The following GDPD1 variants were observed in gnomAD, a reference collection of about 807,000 sequenced individuals.
GDPD1 encodes the protein glycerophosphodiester phosphodiesterase domain containing 1, also known as lysophospholipase D GDPD1.
A neutral mutation model predicts 45.1 loss-of-function variants in GDPD1; 28 were observed. The observed-to-expected ratio is 0.62, with a 90% CI of 0.46 to 0.85. The LOEUF (loss-of-function observed/expected upper bound fraction) is 0.85, where lower values mean the gene tolerates loss of function less well. Ranked by LOEUF, GDPD1 falls within the 40% of genes least tolerant of loss-of-function variation. GDPD1 has a pLI of 0.00. For missense variants in GDPD1, 256 were observed against 364.8 expected (o/e 0.70, Z 2.43); for synonymous variants, 139 against 131.4 (o/e 1.06, Z -0.40).
chr17:59,268,860 G>A (rs2047421763), intron 7 of GDPD1, among the ~76,000 whole-genome samples: 2 of 152,082 alleles, frequency 1.3e-5, no homozygotes, highest in South Asian at 4.1e-4. Flanking sequence ...TGGCCAACAT[G>A]GTGAAACCCC....
At chr17:59,266,997 G>T in intron 6 of GDPD1, 44 bp from the exon 7 acceptor site, 1 of 1,480,748 alleles carries the variant, frequency 6.8e-7, no homozygotes, top group South Asian at 1.2e-5. Flanking sequence ...CTCTTTATTT[G>T]AGCAGTTGTA....
chr17:59,230,321 T>C (rs2047078900), intron 1 of GDPD1, among the ~76,000 whole-genome samples: 1 of 149,764 alleles, frequency 6.7e-6, no homozygotes, highest in Non-Finnish European at 1.5e-5. Flanking sequence ...TCTCAAGCGA[T>C]GAAGTTAAAA....
rs1443897055 is a variant in GDPD1 at position 59,231,350 on chromosome 17, G to A, written c.143-3142G>A. ...TTTTTTTTTTTTTTTTTTTTGAGAC[G>A]GAGTCTTGCTCTGTCGCCCAGGCTG... On this transcript the variant is annotated intron_variant, in intron 1 of 9. Coordinates refer to ENST00000284116, the MANE Select transcript of GDPD1 (RefSeq NM_182569.4). 5.8e-5 allele frequency among the ~76,000 whole-genome samples: 7 copies of A among 121,660 alleles called. No homozygotes were observed. The Admixed American group carries it at 6.7e-4, about 12-fold the overall frequency. 79.8% of individuals were successfully genotyped at this position (121,660 alleles called of 152,430 possible).
intron 1 of GDPD1, among the ~76,000 whole-genome samples, chr17:59,221,787 T>G (rs965287707): frequency 6.6e-6 from 1 of 152,210 alleles, no homozygotes; most frequent in African/African-American, 2.4e-5. Flanking sequence ...GCTTGAAATT[T>G]AATACACACT....
chr17:59,233,045 A>T (rs1367853429), intron 1 of GDPD1, among the ~76,000 whole-genome samples: 6 of 151,918 alleles, frequency 3.9e-5, no homozygotes, highest in Non-Finnish European at 7.4e-5. Flanking sequence ...GCAAAACCCC[A>T]TCTCTACTAA....
chr17:59,247,963 T>C (rs1207902311), intron 3 of GDPD1, among the ~76,000 whole-genome samples: 1 of 152,074 alleles, frequency 6.6e-6, no homozygotes, highest in Non-Finnish European at 1.5e-5. Flanking sequence ...AAGATAAAGC[T>C]TTCTCTATCT....
chr17:59,252,594 A>T (rs1377543862), intron 4 of GDPD1, among the ~76,000 whole-genome samples: 1 of 151,978 alleles, frequency 6.6e-6, no homozygotes. Flanking sequence ...GCTACTCGGG[A>T]GGCTGAGGCT....
At chr17:59,231,419 C>T (rs1211470153) in intron 1 of GDPD1, among the ~76,000 whole-genome samples, 1 of 150,670 alleles carries the variant, frequency 6.6e-6, no homozygotes, top group Non-Finnish European at 1.5e-5. Context: ...CTCTGCCTCC[C>T]GGGTTCACGC....
chr17:59,259,737 T>G (rs1016749346), intron 6 of GDPD1, among the ~76,000 whole-genome samples: 7 of 129,994 alleles, frequency 5.4e-5, no homozygotes, highest in African/African-American at 2.0e-4. Context: ...AGACTCCATC[T>G]CAAAAAAAAA....
In GDPD1 at chr17:59,225,975, C is replaced by T. The variant is rs564143810; in HGVS notation, c.142+5224C>T. Reference sequence around the variant, plus strand: ...ACCTCAGATGATCCACCAGCTTCTGCCTCTCAAAGTGCTGGGATTACAGGC... The same window carrying T: ...ACCTCAGATGATCCACCAGCTTCTGTCTCTCAAAGTGCTGGGATTACAGGC... On this transcript the variant is annotated intron_variant, in intron 1 of 9. Transcript: ENST00000284116. Among the ~76,000 whole-genome samples, 24 of 152,200 alleles carry T rather than the reference C, an allele frequency of 1.6e-4. No homozygotes were observed. The South Asian group carries it at 4.8e-3, about 30-fold the overall frequency.
In GDPD1 at chr17:59,267,155, A is replaced by G. The variant is rs1467282361; in HGVS notation, c.691A>G (p.Met231Val). 2.5e-6 allele frequency: 4 copies of G among 1,613,806 alleles called. No homozygotes were observed. Among genetic ancestry groups the G allele is most frequent in the African/African-American group, 1.3e-5 (1 of 74,924 alleles). Reference sequence around the variant, plus strand: ...TCGAGAACAGTTTTTTGAAATCCCAATGCCTTCTATTATACTGAAGTAAGT... The same window carrying G: ...TCGAGAACAGTTTTTTGAAATCCCAGTGCCTTCTATTATACTGAAGTAAGT... ...PIREQFFEIP[M>V]PSIILKLKEP... The change falls in exon 7 of 10, where the codon ATG becomes GTG. Residue 231 changes from methionine to valine, a missense_variant. Coordinates refer to ENST00000284116, the MANE Select transcript of GDPD1 (RefSeq NM_182569.4).
At chr17:59,225,577 C>G (rs986847148) in intron 1 of GDPD1, among the ~76,000 whole-genome samples, 2 of 152,094 alleles carry the variant, frequency 1.3e-5, no homozygotes, top group Non-Finnish European at 2.9e-5. Context: ...GGCCACCCAC[C>G]GCGGCCTCCC....
chr17:59,257,968 C>A, intron 6 of GDPD1, 128 bp downstream of exon 6: 2 of 499,610 alleles, frequency 4.0e-6, no homozygotes, highest in Non-Finnish European at 6.7e-6. Flanking sequence ...ACCCTGTCAC[C>A]CAGGCTGGAG....
At position 59,275,267 on chromosome 17, in the gene GDPD1, G is replaced by A; in HGVS notation, c.*1494G>A. On this transcript the variant is annotated 3_prime_UTR_variant, in exon 10 of 10. Coordinates refer to ENST00000284116, the MANE Select transcript of GDPD1 (RefSeq NM_182569.4). ...GGAAATCAGTGATGTGTAGTTATTT[G>A]GCAAGTTATACATAATCAGCAGCAG... is the stretch of plus-strand genomic sequence containing the variant. The A allele has an allele frequency of 7.6e-7, 1 of 1,312,664 alleles. No homozygotes were observed. The highest frequency in any genetic ancestry group is 1.1e-6 in the Non-Finnish European group (1 of 945,316). 81.3% of individuals were successfully genotyped at this position (1,312,664 alleles called of 1,614,324 possible). A position where few individuals can be genotyped will look rare whatever the true frequency, so the allele number is the denominator to read the frequency against.
At chr17:59,266,238 A>T (rs1404871863) in intron 6 of GDPD1, among the ~76,000 whole-genome samples, 4 of 151,750 alleles carry the variant, frequency 2.6e-5, no homozygotes, top group Non-Finnish European at 4.4e-5. Flanking sequence ...ACTACAAAAA[A>T]TTAGCTGGGC....
intron 1 of GDPD1, among the ~76,000 whole-genome samples, chr17:59,223,565 A>G (rs1208488477): frequency 5.3e-5 from 8 of 152,174 alleles, no homozygotes; most frequent in Admixed American, 3.9e-4. Flanking sequence ...TCTCTGTGCA[A>G]TTTGGGCTTA....
Position 59,257,165 on chromosome 17 carries a change from G to A in GDPD1, c.411G>A (p.Lys137=). Reference sequence around the variant, plus strand: ...AAGATAACCGAATTCCATTACTGAAGGAAGTTTTTGAGGCCTTTCCTAACA... The same window carrying A: ...AAGATAACCGAATTCCATTACTGAAAGAAGTTTTTGAGGCCTTTCCTAACA... ...EGKDNRIPLL[K]EVFEAFPNTP... The change falls in exon 5 of 10, where the codon AAG becomes AAA. Residue 137 remains lysine, a synonymous_variant. Coordinates refer to ENST00000284116, the MANE Select transcript of GDPD1 (RefSeq NM_182569.4). The A allele has an allele frequency of 6.2e-7, 1 of 1,607,062 alleles. No individual in the cohort carries two copies. Among genetic ancestry groups the A allele is most frequent in the Admixed American group, 1.7e-5 (1 of 59,130 alleles).
At chr17:59,227,641 T>C (rs1461728027) in intron 1 of GDPD1, among the ~76,000 whole-genome samples, 1 of 152,096 alleles carries the variant, frequency 6.6e-6, no homozygotes, top group Admixed American at 6.6e-5. Context: ...GTAATAATAA[T>C]TCTAATAATA....
chr17:59,248,819 G>A (rs1168044951), intron 4 of GDPD1, 34 bp downstream of exon 4: 17 of 1,489,108 alleles, frequency 1.1e-5, no homozygotes, highest in Non-Finnish European at 1.6e-5. Context: ...AAACATTTGT[G>A]TTGAGAAGCA....
Sources: gnomAD v4.1 joint callset for allele counts (sites outside exome capture counted in the v4.1 genomes callset) on GRCh38, gnomAD v4.1.1 for gene constraint, MANE v1.5 for transcripts, NCBI Gene and HGNC (gene_info 2026-07-23, HGNC 2026-07-21) for gene names.